The following TMEM108 variants were observed in gnomAD, a reference collection of about 807,000 sequenced individuals.
TMEM108 encodes the protein cancer/testis antigen 124.
In TMEM108, 12 loss-of-function variants were observed where a neutral mutation model predicts 35.1. The ratio of observed to expected loss-of-function variants is 0.34; its 90% CI spans 0.22 to 0.55. The LOEUF (loss-of-function observed/expected upper bound fraction) is 0.55. TMEM108 is among the 20% of genes least tolerant of loss of function. TMEM108 has a pLI of 0.89. For synonymous variants in TMEM108, 287 were observed against 308.6 expected, an observed-to-expected ratio of 0.93 and a Z score of 0.73; for missense variants, 680 against 753.3, an observed-to-expected ratio of 0.90 and a Z score of 1.14.
chr3:133,154,044 T>TA (rs200413061), intron 2 of TMEM108, among the ~76,000 whole-genome samples: 4 of 151,810 alleles, frequency 2.6e-5, no homozygotes, highest in Non-Finnish European at 4.4e-5. Flanking sequence ...TTTCGTTTTT[T>TA]AAAAAAAAAT....
In TMEM108 at chr3:133,384,600, G is replaced by T. The variant is rs532413358; in HGVS notation, c.1450+3439G>T. On this transcript the variant is annotated intron_variant, in intron 4 of 5. Transcript: ENST00000321871. The stretch of plus-strand genomic sequence containing the variant: ...AAATTGATTGGATTCAGGCCATAAT[G>T]GGCTAGGGCAGAGGAGCCAGGTGGC... 6.6e-5 allele frequency among the ~76,000 whole-genome samples: 10 copies of T among 152,312 alleles called. No individual in the cohort carries two copies. The South Asian group carries it at 8.3e-4, about 13-fold the overall frequency.
chr3:133,116,806 G>A (rs1317098490), intron 2 of TMEM108, among the ~76,000 whole-genome samples: 1 of 152,166 alleles, frequency 6.6e-6, no homozygotes, highest in Admixed American at 6.5e-5. Context: ...ACAGAGTCTA[G>A]CTCTTGTCAC....
chr3:133,313,832 C>T (rs920599218), intron 3 of TMEM108, among the ~76,000 whole-genome samples: 3 of 152,058 alleles, frequency 2.0e-5, no homozygotes, highest in African/African-American at 7.2e-5. Flanking sequence ...AACTGCTCTT[C>T]TGCTTGCAAC....
chr3:133,228,414 A>G (rs1320530653), intron 2 of TMEM108, among the ~76,000 whole-genome samples: 3 of 152,198 alleles, frequency 2.0e-5, no homozygotes, highest in African/African-American at 7.2e-5. Context: ...GTGTAGTCTA[A>G]TGATTATTCT....
chr3:133,169,362 A>G (rs1945093889), intron 2 of TMEM108, among the ~76,000 whole-genome samples: 2 of 151,986 alleles, frequency 1.3e-5, no homozygotes, highest in Non-Finnish European at 2.9e-5. Context: ...TTGTAGTCAG[A>G]AAAGTAATTA....
At chr3:133,145,123 C>A (rs961133565) in intron 2 of TMEM108, among the ~76,000 whole-genome samples, 21 of 152,158 alleles carry the variant, frequency 1.4e-4, no homozygotes, top group Admixed American at 4.6e-4. Flanking sequence ...TTTAATCAAT[C>A]TTGAATTAAT....
At chr3:133,063,534 A>T (rs1179296734) in intron 2 of TMEM108, among the ~76,000 whole-genome samples, 2 of 152,126 alleles carry the variant, frequency 1.3e-5, no homozygotes, top group Non-Finnish European at 2.9e-5. Context: ...AGCACAGGGA[A>T]AGGGTTTCAA....
intron 2 of TMEM108, among the ~76,000 whole-genome samples, chr3:133,072,032 G>C (rs1167252206): frequency 6.6e-6 from 1 of 152,128 alleles, no homozygotes; most frequent in East Asian, 1.9e-4. Context: ...TCATTCTTTT[G>C]CATGTGGATG....
intron 2 of TMEM108, among the ~76,000 whole-genome samples, chr3:133,098,973 A>G (rs1210647591): frequency 2.0e-5 from 3 of 152,130 alleles, no homozygotes; most frequent in Admixed American, 2.0e-4. Flanking sequence ...CCACTAGGTC[A>G]CTGCCTACAG....
intron 3 of TMEM108, among the ~76,000 whole-genome samples, chr3:133,362,857 C>T (rs1004420904): frequency 6.6e-6 from 1 of 152,184 alleles, no homozygotes; most frequent in African/African-American, 2.4e-5. Flanking sequence ...CTTTTGAGGT[C>T]ACGCTTTACA....
rs541535071 is a variant in TMEM108 at position 133,183,569 on chromosome 3, G to C, written c.-46-45697G>C. Among the ~76,000 whole-genome samples, 11 of 152,300 alleles carry C rather than the reference G, an allele frequency of 7.2e-5. No homozygotes were observed. In the South Asian group the frequency reaches 2.3e-3, roughly 32 times the overall value. On this transcript the variant is annotated intron_variant, in intron 2 of 5. Coordinates refer to ENST00000321871, the MANE Select transcript of TMEM108 (RefSeq NM_023943.4). ...CCAGGGTAAGGATGGAGAGGAAAGA[G>C]AATGAAAAGGGGGTAGAAGACAGAA...
intron 3 of TMEM108, among the ~76,000 whole-genome samples, chr3:133,229,631 A>G (rs1256400848): frequency 6.6e-6 from 1 of 152,208 alleles, no homozygotes; most frequent in Non-Finnish European, 1.5e-5. Flanking sequence ...ACTCCATTAT[A>G]ATAATTCTAA....
At chr3:133,342,781 T>C (rs1004500183) in intron 3 of TMEM108, among the ~76,000 whole-genome samples, 2 of 150,350 alleles carry the variant, frequency 1.3e-5, no homozygotes, top group African/African-American at 2.4e-5. Context: ...GAGAAGAGAA[T>C]AGGGAGAGGT....
intron 3 of TMEM108, among the ~76,000 whole-genome samples, chr3:133,376,494 A>T (rs2072843610): frequency 1.3e-5 from 2 of 152,180 alleles, no homozygotes; most frequent in Non-Finnish European, 2.9e-5. Context: ...TGCAGGCAGA[A>T]CCTGACAGCC....
At chr3:133,367,966 G>T (rs2072548477) in intron 3 of TMEM108, among the ~76,000 whole-genome samples, 1 of 152,224 alleles carries the variant, frequency 6.6e-6, no homozygotes, top group South Asian at 2.1e-4. Flanking sequence ...ATCAGGCCAG[G>T]ACATTGTGTC....
chr3:133,116,828 C>A (rs766423374), intron 2 of TMEM108, among the ~76,000 whole-genome samples: 1 of 152,224 alleles, frequency 6.6e-6, no homozygotes, highest in African/African-American at 2.4e-5. Flanking sequence ...CAGGCTGGAG[C>A]GCAATGGCGT....
At chr3:133,364,803 A>T (rs1485257112) in intron 3 of TMEM108, among the ~76,000 whole-genome samples, 1 of 152,222 alleles carries the variant, frequency 6.6e-6, no homozygotes, top group African/African-American at 2.4e-5. Context: ...GCAGATTAGG[A>T]CCTGGAAATC....
chr3:133,387,835 G>T (rs1358335090), intron 4 of TMEM108: 1 of 985,176 alleles, frequency 1.0e-6, no homozygotes, highest in African/African-American at 1.7e-5. Context: ...TTCTAAATTC[G>T]ATGTCCCTTT....
intron 3 of TMEM108, among the ~76,000 whole-genome samples, chr3:133,371,408 C>T (rs2072666975): frequency 6.6e-6 from 1 of 152,200 alleles, no homozygotes; most frequent in Middle Eastern, 3.4e-3. Flanking sequence ...GTATTGCTAT[C>T]ATCTGGAAGT....
Sources: allele counts gnomAD v4.1 joint callset (sites outside exome capture counted in the v4.1 genomes callset), GRCh38; gene constraint gnomAD v4.1.1; transcripts MANE v1.5; gene names NCBI Gene and HGNC (gene_info 2026-07-23, HGNC 2026-07-21).